The following SLC9A7 variants were observed in gnomAD, a reference collection of about 807,000 sequenced individuals.
SLC9A7 encodes the protein solute carrier family 9 member A7, also known as sodium/hydrogen exchanger 7.
In SLC9A7, 19 loss-of-function variants were observed where a neutral mutation model predicts 52.6. The ratio of observed to expected loss-of-function variants is 0.36; its 90% confidence interval spans 0.25 to 0.53. The LOEUF (loss-of-function observed/expected upper bound fraction) is 0.53, where lower values mean the gene tolerates loss of function less well. Among genes scored for constraint, SLC9A7 ranks in the 20% least tolerant of loss-of-function variants. The probability of loss-of-function intolerance (pLI) is 0.91; values close to 1 mark genes in which losing one functional copy is unlikely to be tolerated. For synonymous variants in SLC9A7, 226 were observed against 252.1 expected (o/e 0.90, Z 0.98); for missense variants, 455 against 597.9 (o/e 0.76, Z 2.49).
chrX:46,657,703 A>G (rs372023835), intron 7 of SLC9A7, among the ~76,000 whole-genome samples: 8 of 111,259 alleles, frequency 7.2e-5, no homozygotes, highest in African/African-American at 2.6e-4. Flanking sequence ...CCCAATACAG[A>G]AGCACCCAGA....
At chrX:46,726,062 T>C (rs1159187961) in intron 1 of SLC9A7, among the ~76,000 whole-genome samples, 1 of 110,745 alleles carries the variant, frequency 9.0e-6, no homozygotes, top group Non-Finnish European at 1.9e-5. Context: ...TATTGAGTTG[T>C]TAGAAGAATT....
chrX:46,678,260 G>C (rs766445389), intron 3 of SLC9A7, among the ~76,000 whole-genome samples: 22 of 110,353 alleles, frequency 2.0e-4, no homozygotes, highest in African/African-American at 5.9e-4. Context: ...CTCACTGAAA[G>C]GGTTTCCTTT....
At chrX:46,679,619 G>T in intron 3 of SLC9A7, 59 bp downstream of exon 3, 1 of 883,708 alleles carries the variant, frequency 1.1e-6, no homozygotes, top group Non-Finnish European at 1.6e-6. Context: ...AGAAAATTAT[G>T]CAGGTAAATT....
chrX:46,608,640 CTTTCTT>C (rs1435937542), intron 16 of SLC9A7, among the ~76,000 whole-genome samples: 1 of 111,754 alleles, frequency 8.9e-6, no homozygotes, highest in African/African-American at 3.3e-5. Context: ...CAGTAGCCTT[CTTTCTT>C]TTTCTTTTTA....
At chrX:46,699,131 C>A in intron 1 of SLC9A7, among the ~76,000 whole-genome samples, 1 of 112,040 alleles carries the variant, frequency 8.9e-6, no homozygotes, top group East Asian at 2.8e-4. Context: ...CAAGATGGAA[C>A]AAGTTCATGT....
intron 5 of SLC9A7, among the ~76,000 whole-genome samples, chrX:46,663,477 A>C (rs1203432315): frequency 9.4e-6 from 1 of 106,867 alleles, no homozygotes; most frequent in Admixed American, 1.0e-4. Context: ...CGTCTCTACT[A>C]AAAATACAAA....
At chrX:46,699,506 T>C (rs5952925) in intron 1 of SLC9A7, among the ~76,000 whole-genome samples, 5,236 of 111,541 alleles carry the variant, frequency 0.047, 300 homozygotes, top group African/African-American at 0.16. Flanking sequence ...CAAGTGTAGG[T>C]TGATTATACT....
At chrX:46,707,265 T>C (rs1486123941) in intron 1 of SLC9A7, among the ~76,000 whole-genome samples, 1 of 112,275 alleles carries the variant, frequency 8.9e-6, no homozygotes, top group Non-Finnish European at 1.9e-5. Context: ...GGTAATGAGA[T>C]TTCCCTGATA....
At chrX:46,722,180 G>T (rs1182584068) in intron 1 of SLC9A7, among the ~76,000 whole-genome samples, 1 of 111,383 alleles carries the variant, frequency 9.0e-6, no homozygotes, top group African/African-American at 3.3e-5. Context: ...ATACAAAGGT[G>T]TTCCACATAT....
intron 7 of SLC9A7, among the ~76,000 whole-genome samples, chrX:46,657,450 C>T (rs1237856552): frequency 9.1e-6 from 1 of 110,141 alleles, no homozygotes; most frequent in East Asian, 2.9e-4. Flanking sequence ...GAGTCAAGAC[C>T]CATCAGTGTG....
At chrX:46,625,013 G>T (rs968619453) in intron 14 of SLC9A7, among the ~76,000 whole-genome samples, 1 of 111,442 alleles carries the variant, frequency 9.0e-6, no homozygotes, top group African/African-American at 3.3e-5. Context: ...GGCGAGGGTT[G>T]GGGGGTAGGG....
At chrX:46,692,557 A>ACTC (rs1233532554) in intron 1 of SLC9A7, among the ~76,000 whole-genome samples, 2 of 110,914 alleles carry the variant, frequency 1.8e-5, no homozygotes, top group Non-Finnish European at 3.8e-5. Context: ...TTTATAAAAC[A>ACTC]CTCTGTTCAA....
In SLC9A7 at chrX:46,648,759, C is replaced by T. The variant is rs1054631532; in HGVS notation, c.1389G>A (p.Pro463=). ...TGCCCAAGTTGAGGAAGAAGGAGAG[C>T]GGGTAGATGTGCGCGGCTCTGCCCA... is the stretch of plus-strand genomic sequence containing the variant. The part of the protein sequence containing the change: ...IFLGRAAHIY[P]LSFFLNLGRR... Residue 463 remains proline, a synonymous_variant, in exon 11 of 17, where the codon CCG becomes CCA. Coordinates refer to ENST00000616978, the MANE Select transcript of SLC9A7 (RefSeq NM_001257291.2). The T allele has an allele frequency of 1.6e-5, 19 of 1,209,311 alleles. No individual in the cohort carries two copies. Among genetic ancestry groups the T allele is most frequent in the Admixed American group, 4.4e-5 (2 of 45,695 alleles).
At position 46,607,214 on chromosome X, in the gene SLC9A7, C is replaced by A. The variant is rs372639130; in HGVS notation, c.1930-11G>T. 7.6e-5 allele frequency: 91 copies of A among 1,201,093 alleles called. No individual in the cohort carries two copies. Among genetic ancestry groups the A allele is most frequent in the Non-Finnish European group, 9.4e-5 (84 of 890,327 alleles). On this transcript the variant is annotated splice_polypyrimidine_tract_variant and intron_variant, in intron 16 of 16. Transcript: ENST00000616978. ...CAGTGGCTCTTGGTTCTGAAAAGTG[C>A]AACCAACAACAACAACAAAAATGAG... is the stretch of plus-strand genomic sequence containing the variant.
chrX:46,704,911 C>T (rs1944582073), intron 1 of SLC9A7, among the ~76,000 whole-genome samples: 1 of 111,694 alleles, frequency 9.0e-6, no homozygotes, highest in Non-Finnish European at 1.9e-5. Flanking sequence ...CAGGCTGTAA[C>T]AACCACCACA....
intron 7 of SLC9A7, among the ~76,000 whole-genome samples, chrX:46,654,905 T>C (rs1943646076): frequency 1.8e-5 from 2 of 110,667 alleles, no homozygotes; most frequent in African/African-American, 6.6e-5. Context: ...ACACTTACAA[T>C]GTGGCTAGTC....
rs1477593757 is a variant in SLC9A7, at chrX:46,600,647, A to T, written c.*6305T>A. ...TAGCACTGGGTGACAAGATGTGTTT[A>T]ATTTTTTAAAAATGTCTATGAAAAT... On this transcript the variant is annotated 3_prime_UTR_variant, in exon 17 of 17. Coordinates refer to ENST00000616978, the MANE Select transcript of SLC9A7 (RefSeq NM_001257291.2). 8.9e-6 allele frequency: 1 copy of T among 112,263 alleles called. No homozygotes were observed. Among genetic ancestry groups the T allele is most frequent in the African/African-American group, 3.2e-5 (1 of 30,921 alleles). 9.3% of individuals were successfully genotyped at this position (112,263 alleles called of 1,213,427 possible).
intron 1 of SLC9A7, among the ~76,000 whole-genome samples, chrX:46,730,533 G>A (rs1476930371): frequency 2.9e-5 from 3 of 103,424 alleles, no homozygotes; most frequent in Non-Finnish European, 5.9e-5. Context: ...AGTGGTGCAT[G>A]CCTGTAGTCC....
chrX:46,626,370 G>A, intron 14 of SLC9A7, among the ~76,000 whole-genome samples: 1 of 111,220 alleles, frequency 9.0e-6, no homozygotes, highest in Middle Eastern at 4.6e-3. Context: ...CGCCTCCCGG[G>A]ATCAAGCGAT....
Sources: allele counts gnomAD v4.1 joint callset (sites outside exome capture counted in the v4.1 genomes callset), GRCh38; gene constraint gnomAD v4.1.1; transcripts MANE v1.5; gene names NCBI Gene and HGNC (gene_info 2026-07-23, HGNC 2026-07-21).